The following TULP4 variants were observed in gnomAD, a reference collection of about 807,000 sequenced individuals.
The protein encoded by TULP4 is tubby-related protein 4.
TULP4 carries 16 observed loss-of-function variants against 129.0 expected under a neutral mutation model. The observed-to-expected ratio is 0.12, with a 90% CI of 0.08 to 0.19. The LOEUF is 0.19. Ranked by LOEUF, TULP4 falls within the 10% of genes least tolerant of loss-of-function variation. The probability of loss-of-function intolerance (pLI) is 1.00; values close to 1 mark genes in which losing one functional copy is unlikely to be tolerated. For synonymous variants in TULP4, 998 were observed against 854.0 expected (o/e 1.17, Z -2.94); for missense variants, 1,842 against 2,059.1 (o/e 0.89, Z 2.04).
chr6:158,263,592 A>G (rs1447124213), intron 1 of TULP4, among the ~76,000 whole-genome samples: 1 of 152,180 alleles, frequency 6.6e-6, no homozygotes, highest in African/African-American at 2.4e-5. Context: ...GAAGCTATCA[A>G]AAAGAAAAAA....
rs565960334 is a variant in TULP4 at position 158,426,430 on chromosome 6, C to T, written c.382-3306C>T. Among the ~76,000 whole-genome samples the T allele has an allele frequency of 3.9e-5, 6 of 152,330 alleles. No individual in the cohort carries two copies. In the East Asian group the frequency reaches 1.2e-3, roughly 29 times the overall value. ...AAGAAAGGGGTCCAGTTTCAACATT[C>T]TGCATATGGCTACCCAGTTATCCCA... On this transcript the variant is annotated intron_variant, in intron 2 of 13. Coordinates refer to ENST00000367097, the MANE Select transcript of TULP4 (RefSeq NM_020245.5).
intron 1 of TULP4, among the ~76,000 whole-genome samples, chr6:158,234,799 A>G (rs1180408581): frequency 6.6e-6 from 1 of 152,226 alleles, no homozygotes; most frequent in African/African-American, 2.4e-5. Context: ...TGGCTGAGAT[A>G]ATGTTAATTT....
At chr6:158,397,325 A>C (rs1777741763) in intron 1 of TULP4, among the ~76,000 whole-genome samples, 1 of 152,112 alleles carries the variant, frequency 6.6e-6, no homozygotes, top group Non-Finnish European at 1.5e-5. Flanking sequence ...CTTTCCTGTC[A>C]GGTTAGATGT....
intron 1 of TULP4, among the ~76,000 whole-genome samples, chr6:158,234,836 A>G (rs530631819): frequency 1.3e-5 from 2 of 152,362 alleles, no homozygotes; most frequent in East Asian, 3.9e-4. Flanking sequence ...CATACTAAAC[A>G]TACTAATTTT....
At chr6:158,295,498 TG>T (rs1291839920) in intron 1 of TULP4, among the ~76,000 whole-genome samples, 17 of 151,982 alleles carry the variant, frequency 1.1e-4, no homozygotes, top group Admixed American at 6.6e-5. Context: ...AAAACTTACT[TG>T]TTGTGAGATA....
intron 3 of TULP4, among the ~76,000 whole-genome samples, chr6:158,440,951 G>A (rs981843120): frequency 6.6e-6 from 1 of 152,130 alleles, no homozygotes; most frequent in Non-Finnish European, 1.5e-5. Flanking sequence ...GGACTCAGGC[G>A]ATGAATCACC....
rs753701055 is a variant in TULP4, at chr6:158,413,106, C to A, written c.294C>A (p.Ala98=). 5 of 1,613,752 alleles carry A rather than the reference C, an allele frequency of 3.1e-6. No homozygotes were observed. In the South Asian group the frequency reaches 5.5e-5, roughly 18 times the overall value. The stretch of plus-strand genomic sequence containing the variant: ...GGAATGAGCCCTACCAGAAACTGGC[C>A]ACGTGCGATGCGGACGGAGGCATAT... The part of the protein sequence containing the change: ...VRWNEPYQKL[A]TCDADGGIFV... The change falls in exon 2 of 14, where the codon GCC becomes GCA. Residue 98 remains alanine (A), a synonymous_variant. Transcript: ENST00000367097. This position sits in a 1 kb window ranked among gnomAD's most constrained non-coding sequence, Gnocchi z 4.9.
At chr6:158,477,622 C>T (rs1480695796) in intron 6 of TULP4, among the ~76,000 whole-genome samples, 2 of 152,136 alleles carry the variant, frequency 1.3e-5, no homozygotes, top group South Asian at 2.1e-4. Context: ...TAATAGATGT[C>T]GGCATGGTTG....
chr6:158,452,287 A>G lies in TULP4; in HGVS notation c.859+19A>G. On this transcript the variant is annotated intron_variant, in intron 5 of 13. Coordinates refer to ENST00000367097, the MANE Select transcript of TULP4 (RefSeq NM_020245.5). The stretch of plus-strand genomic sequence containing the variant: ...CTGAAAGGTACAGAATGCTGCACAC[A>G]CCCCAAACCTGCAGACCGGGCCTGT... 1 of 1,612,614 alleles carries G rather than the reference A, an allele frequency of 6.2e-7. No homozygotes were observed.
chr6:158,329,478 G>GA (rs61404810), intron 1 of TULP4, among the ~76,000 whole-genome samples: 1 of 147,158 alleles, frequency 6.8e-6, no homozygotes, highest in African/African-American at 2.5e-5. Flanking sequence ...AAAAAAAAAA[G>GA]AAGAATAACC....
At chr6:158,238,573 G>C (rs1405152808) in intron 1 of TULP4, among the ~76,000 whole-genome samples, 1 of 121,870 alleles carries the variant, frequency 8.2e-6, no homozygotes, top group Non-Finnish European at 1.7e-5. Context: ...AGGACCCTGC[G>C]GCCTTCCGCA....
At chr6:158,250,769 CTG>C (rs1347675645) in intron 1 of TULP4, among the ~76,000 whole-genome samples, 1 of 152,158 alleles carries the variant, frequency 6.6e-6, no homozygotes, top group African/African-American at 2.4e-5. Flanking sequence ...CCCCACATGA[CTG>C]AGAAAAATGG....
intron 6 of TULP4, among the ~76,000 whole-genome samples, chr6:158,467,580 C>T (rs1779581935): frequency 6.6e-6 from 1 of 152,204 alleles, no homozygotes; most frequent in East Asian, 1.9e-4. Flanking sequence ...CGCGCCCTGC[C>T]TGCCTTTCCC....
chr6:158,496,359 A>G (rs1231977245), intron 11 of TULP4, among the ~76,000 whole-genome samples: 1 of 152,250 alleles, frequency 6.6e-6, no homozygotes, highest in African/African-American at 2.4e-5. Context: ...ATTCTTACAG[A>G]TTAGATGTTA....
At chr6:158,431,810 G>T (rs1222802350) in intron 3 of TULP4, among the ~76,000 whole-genome samples, 1 of 152,136 alleles carries the variant, frequency 6.6e-6, no homozygotes, top group Non-Finnish European at 1.5e-5. Context: ...GCCATGGGAA[G>T]CATGGAGGCC....
chr6:158,452,145 G>C lies in TULP4; in HGVS notation c.736G>C (p.Ala246Pro). The C allele has an allele frequency of 6.2e-7, 1 of 1,614,136 alleles. No homozygotes were observed. The highest frequency in any genetic ancestry group is 8.5e-7 in the Non-Finnish European group (1 of 1,179,992). The change falls in exon 5 of 14, where the codon GCA (alanine) becomes CCA (proline). Residue 246 changes from alanine to proline, a missense_variant. Transcript: ENST00000367097. The part of the protein sequence containing the change: ...DYAPPQDGPA[A>P]YPIPVQNIKP... ...TTGTGTTCCTGCAGATGGTCCGGCA[G>C]CATATCCCATCCCAGTGCAGAACAT...
At chr6:158,462,870 C>T (rs1293178850) in intron 6 of TULP4, among the ~76,000 whole-genome samples, 1 of 151,116 alleles carries the variant, frequency 6.6e-6, no homozygotes, top group African/African-American at 2.4e-5. Context: ...CTGCCTCAGC[C>T]TCCTAAATAG....
At chr6:158,255,614 A>G (rs1426806953) in intron 1 of TULP4, among the ~76,000 whole-genome samples, 4 of 152,092 alleles carry the variant, frequency 2.6e-5, no homozygotes, top group Admixed American at 2.6e-4. Context: ...GAACTGTTAC[A>G]ATTGTTTTGC....
At chr6:158,464,674 C>T (rs1779516228) in intron 6 of TULP4, among the ~76,000 whole-genome samples, 1 of 152,230 alleles carries the variant, frequency 6.6e-6, no homozygotes, top group African/African-American at 2.4e-5. Context: ...GCTAGAATTA[C>T]AGGCAGGAGC....
Sources: gnomAD v4.1 joint callset for allele counts (sites outside exome capture counted in the v4.1 genomes callset) on GRCh38, gnomAD v4.1.1 for gene constraint, Gnocchi (gnomAD v3.1) non-coding constraint, MANE v1.5 for transcripts, NCBI Gene and HGNC (gene_info 2026-07-23, HGNC 2026-07-21) for gene names.